The following MYBPC3 variants were observed in gnomAD, a reference collection of about 807,000 sequenced individuals.
MYBPC3 encodes myosin-binding protein C, cardiac-type.
Under a neutral mutation model 159.3 loss-of-function variants are expected in MYBPC3, and 108 were observed. The observed-to-expected ratio is 0.68, with a 90% CI of 0.58 to 0.80. The LOEUF (loss-of-function observed/expected upper bound fraction) is 0.80, where lower values mean the gene tolerates loss of function less well. Ranked by LOEUF, MYBPC3 falls within the 30% of genes least tolerant of loss-of-function variation. The pLI is 0.00. For missense variants in MYBPC3, 1,631 were observed against 1,762.1 expected (o/e 0.93, Z 1.33); for synonymous variants, 730 against 702.0 (o/e 1.04, Z -0.63).
At position 47,342,634 on chromosome 11, in the gene MYBPC3, C is replaced by T; in HGVS notation, c.1568G>A (p.Gly523Glu). Residue 523 changes from glycine (G) to glutamate (E), a missense_variant, in exon 17 of 35, where the codon GGG becomes GAG. Coordinates refer to ENST00000545968, the MANE Select transcript of MYBPC3 (RefSeq NM_000256.3). Reference protein sequence around the residue: ...IINEAMLEDAGHYALCTSGGQ... With the variant: ...IINEAMLEDAEHYALCTSGGQ... ...CCCGCTAGTGCACAGTGCATAGTGC[C>T]CCGCGTCCTCCAGCATGGCCTCGTT... The T allele has an allele frequency of 6.2e-7, 1 of 1,613,980 alleles. No individual in the cohort carries two copies. Among genetic ancestry groups the T allele is most frequent in the Non-Finnish European group, 8.5e-7 (1 of 1,179,882 alleles).
In MYBPC3 at chr11:47,351,458, T is replaced by C; in HGVS notation, c.73A>G (p.Ser25Gly). 6.9e-6 allele frequency: 11 copies of C among 1,600,026 alleles called. No homozygotes were observed. The highest frequency in any genetic ancestry group is 9.4e-6 in the Non-Finnish European group (11 of 1,170,734). ...KPRSVEVAAG[S>G]PAVFEAETER... is the part of the protein sequence containing the mutation. ...GTCTCGGCCTCGAACACGGCAGGGC[T>C]GCCTGCGGCCACTTCCACTGACCGT... is the stretch of plus-strand genomic sequence containing the variant. The change falls in exon 2 of 35, where the codon AGC becomes GGC. Residue 25 changes from serine (S) to glycine (G), a missense_variant. By Grantham distance (56) the Ser-to-Gly change is moderately conservative. Transcript: ENST00000545968. This position sits in a 1 kb window ranked among gnomAD's most constrained non-coding sequence, Gnocchi z 4.2.
chr11:47,332,130 G>C lies in MYBPC3; in HGVS notation c.3756C>G (p.Val1252=), dbSNP rs374760003. 1 of 1,613,688 alleles carries C rather than the reference G, an allele frequency of 6.2e-7. No homozygotes were observed. The highest frequency in any genetic ancestry group is 1.3e-5 in the African/African-American group (1 of 75,076). The change falls in exon 33 of 35, where the codon GTC becomes GTG. Residue 1252 remains valine (V), a synonymous_variant. Coordinates refer to ENST00000545968, the MANE Select transcript of MYBPC3 (RefSeq NM_000256.3). The surrounding 1 kb of genome is among the most constrained non-coding windows in gnomAD (Gnocchi z 4.2). ...KPCPFDGGIY[V]CRATNLQGEA... is the part of the protein sequence containing the mutation. ...CGCCCTGTAAGTTGGTGGCCCTGCA[G>C]ACATAGATGCCCCCGTCAAAGGGGC...
intron 27 of MYBPC3, among the ~76,000 whole-genome samples, 158 bp downstream of exon 27, chr11:47,334,884 T>A (rs1359232320): frequency 6.6e-6 from 1 of 152,150 alleles, no homozygotes. Context: ...ACTTTTTCCC[T>A]AGGCCTAGCG....
Position 47,341,048 on chromosome 11 carries a change from G to A in MYBPC3, c.1898-16C>T. ...ATCTTGACCTCTGCAAGAGAAGGAA[G>A]AGCAAGTAGCACGGGGGCAAAGGCA... On this transcript the variant is annotated splice_polypyrimidine_tract_variant and intron_variant, in intron 19 of 34. Transcript: ENST00000545968. 1 of 1,576,278 alleles carries A rather than the reference G, an allele frequency of 6.3e-7. No homozygotes were observed. The highest frequency in any genetic ancestry group is 8.6e-7 in the Non-Finnish European group (1 of 1,159,990).
intron 12 of MYBPC3, 35 bp from the exon 13 acceptor site, chr11:47,343,659 G>T (rs766721386): frequency 2.1e-6 from 3 of 1,404,544 alleles, no homozygotes; most frequent in African/African-American, 3.5e-5. Context: ...CCACCCCACC[G>T]CCCGCACCCT....
chr11:47,344,767 C>T (rs2095892542), intron 12 of MYBPC3, among the ~76,000 whole-genome samples: 2 of 152,176 alleles, frequency 1.3e-5, no homozygotes, highest in South Asian at 2.1e-4. Flanking sequence ...TTACATAAAG[C>T]ACCTAGTGGC....
At chr11:47,347,172 T>C (rs1429563969) in intron 9 of MYBPC3, 143 bp from the exon 10 acceptor site, 14 of 1,449,600 alleles carry the variant, frequency 9.7e-6, no homozygotes, top group Non-Finnish European at 1.3e-5. Context: ...GTCCCCGGAG[T>C]TTACGGAGGG....
intron 3 of MYBPC3, 111 bp downstream of exon 3, chr11:47,350,391 C>T (rs2095899439): frequency 2.0e-6 from 3 of 1,497,060 alleles, no homozygotes. Context: ...TCCCAAAGTA[C>T]TGGGGATTAT....
At position 47,332,178 on chromosome 11, in the gene MYBPC3, C is replaced by T. The variant is rs767400149; in HGVS notation, c.3708G>A (p.Leu1236=). Residue 1236 remains leucine (L), a synonymous_variant, in exon 33 of 35, where the codon TTG becomes TTA. Coordinates refer to ENST00000545968, the MANE Select transcript of MYBPC3 (RefSeq NM_000256.3). This position sits in a 1 kb window ranked among gnomAD's most constrained non-coding sequence, Gnocchi z 4.2. ...RFRMFSKQGV[L]TLEIRKPCPF... is the part of the protein sequence containing the mutation. Reference sequence around the variant, plus strand: ...GGCAGGGCTTTCTAATCTCCAGAGTCAACACTCCCTGCTTGCTGAACATGC... The same window carrying T: ...GGCAGGGCTTTCTAATCTCCAGAGTTAACACTCCCTGCTTGCTGAACATGC... 8 of 1,613,736 alleles carry T rather than the reference C, an allele frequency of 5.0e-6. No homozygotes were observed. In the African/African-American group the frequency reaches 1.1e-4, roughly 22 times the overall value.
At position 47,342,864 on chromosome 11, in the gene MYBPC3, A is replaced by T; in HGVS notation, c.1423T>A (p.Cys475Ser). The change falls in exon 16 of 35, where the codon TGT (cysteine) becomes AGT (serine). Residue 475 changes from cysteine (C) to serine (S), a missense_variant. Physicochemically the swap from Cys to Ser is moderately radical, Grantham distance 112. Transcript: ENST00000545968. ...TGCGCCCCCTCCTCCGATACTTCAC[A>T]CTCAAACTCCACCCGCTGCCCCACC... Reference protein sequence around the residue: ...VMVGQRVEFECEVSEEGAQVK... With the variant: ...VMVGQRVEFESEVSEEGAQVK... The T allele has an allele frequency of 6.2e-7, 1 of 1,613,040 alleles. No individual in the cohort carries two copies.
chr11:47,345,143 C>T lies in MYBPC3; in HGVS notation c.1090+1064G>A, dbSNP rs144851413. 1.1e-4 allele frequency among the ~76,000 whole-genome samples: 16 copies of T among 152,334 alleles called. No individual in the cohort carries two copies. The East Asian group carries it at 2.5e-3, about 24-fold the overall frequency. ...TATTCCTGGAAGACACCCCTACCCT[C>T]GGAGGTCCCCATCTGCCTTGCCAGC... On this transcript the variant is annotated intron_variant, in intron 12 of 34. Transcript: ENST00000545968.
At position 47,333,680 on chromosome 11, in the gene MYBPC3, T is replaced by C. The variant is rs775530483; in HGVS notation, c.3067A>G (p.Asn1023Asp). Residue 1023 changes from asparagine (N) to aspartate (D), a missense_variant, in exon 29 of 35, where the codon AAC becomes GAC. Physicochemically the swap from Asn to Asp is conservative, Grantham distance 23. Coordinates refer to ENST00000545968, the MANE Select transcript of MYBPC3 (RefSeq NM_000256.3). ...AACAGGATGGTGTCTGTGGGGCTGT[T>C]GCGGATGCTCACCTCCTCGCCTGCC... ...PLAGEEVSIR[N>D]SPTDTILFIR... 4.3e-6 allele frequency: 7 copies of C among 1,611,480 alleles called. No individual in the cohort carries two copies. The highest frequency in any genetic ancestry group is 5.1e-6 in the Non-Finnish European group (6 of 1,179,694).
At chr11:47,335,011 G>A (rs558224671) in intron 27 of MYBPC3, 31 bp downstream of exon 27, 19 of 1,453,624 alleles carry the variant, frequency 1.3e-5, no homozygotes, top group South Asian at 9.1e-5. Context: ...TGTCAATGGC[G>A]GGTCTTGTGA....
At chr11:47,347,003 A>T in intron 10 of MYBPC3, 24 bp downstream of exon 10, 1 of 780,362 alleles carries the variant, frequency 1.3e-6, no homozygotes, top group Non-Finnish European at 2.3e-6. Context: ...TGCCGCCCCC[A>T]AACACCCAGA....
rs1221246371 is a variant in MYBPC3 at position 47,347,642 on chromosome 11, C to A, written c.851+9G>T. 5.7e-6 allele frequency: 9 copies of A among 1,573,758 alleles called. 1 individual carries two copies. Among genetic ancestry groups the A allele is most frequent in the Non-Finnish European group, 7.8e-6 (9 of 1,159,752 alleles). On this transcript the variant is annotated intron_variant, in intron 8 of 34. Coordinates refer to ENST00000545968, the MANE Select transcript of MYBPC3 (RefSeq NM_000256.3). The stretch of plus-strand genomic sequence containing the variant: ...CGGATGGTGCAGGTAGGGCCTGGGG[C>A]AGGGGTACCTGATCCGCCGACCACC...
intron 6 of MYBPC3, 45 bp from the exon 7 acceptor site, chr11:47,347,950 G>A (rs777348120): frequency 1.9e-6 from 3 of 1,542,376 alleles, no homozygotes; most frequent in South Asian, 2.4e-5. Flanking sequence ...CTTCAGAGGG[G>A]GCCGTTTGAG....
chr11:47,346,973 C>G lies in MYBPC3; in HGVS notation c.908+54G>C. On this transcript the variant is annotated intron_variant, in intron 10 of 34. Transcript: ENST00000545968. This position sits in a 1 kb window ranked among gnomAD's most constrained non-coding sequence, Gnocchi z 5.3. ...CTCTCAGAGAGGGGACGGGAATCCC[C>G]TCTGCACCCACCAGCGCCCTGCCGC... The G allele has an allele frequency of 1.3e-6, 1 of 769,878 alleles. No individual in the cohort carries two copies. Among genetic ancestry groups the G allele is most frequent in the Non-Finnish European group, 2.4e-6 (1 of 421,450 alleles). The allele number at this position is 769,878 out of a possible 1,614,324, so 47.7% of individuals were successfully genotyped here. A position where few individuals can be genotyped will look rare whatever the true frequency, so the allele number is the denominator to read the frequency against.
rs781180230 is a variant in MYBPC3 at position 47,332,098 on chromosome 11, C to A, written c.3788G>T (p.Arg1263Leu). 5 of 1,611,994 alleles carry A rather than the reference C, an allele frequency of 3.1e-6. No individual in the cohort carries two copies. The highest frequency in any genetic ancestry group is 4.2e-6 in the Non-Finnish European group (5 of 1,178,848). Residue 1263 changes from arginine (R) to leucine (L), a missense_variant, in exon 33 of 35, where the codon CGG becomes CTG. Transcript: ENST00000545968. The surrounding 1 kb of genome is among the most constrained non-coding windows in gnomAD (Gnocchi z 4.2). Reference protein sequence around the residue: ...CRATNLQGEARCECRLEVRVP... With the variant: ...CRATNLQGEALCECRLEVRVP... ...TCGCACCTCCAGGCGGCACTCACAC[C>A]GTGCCTCGCCCTGTAAGTTGGTGGC...
rs771179191 is a variant in MYBPC3 at position 47,337,766 on chromosome 11, C to A, written c.2337G>T (p.Lys779Asn). The change falls in exon 24 of 35, where the codon AAG (lysine) becomes AAT (asparagine). Residue 779 changes from lysine (K) to asparagine (N), a missense_variant. Transcript: ENST00000545968. ...AGGAGTCCTCTCCCACGTTGCTGATCTTGGGGGCCGCAGGTGCGTCTGGCA... is the reference window on the plus strand; with the variant it reads ...AGGAGTCCTCTCCCACGTTGCTGATATTGGGGGCCGCAGGTGCGTCTGGCA... Reference protein sequence around the residue: ...IDVPDAPAAPKISNVGEDSCT... With the variant: ...IDVPDAPAAPNISNVGEDSCT... 6.4e-7 allele frequency: 1 copy of A among 1,553,798 alleles called. No homozygotes were observed. Among genetic ancestry groups the A allele is most frequent in the South Asian group, 1.2e-5 (1 of 84,354 alleles).
Sources: gnomAD v4.1 joint callset for allele counts (sites outside exome capture counted in the v4.1 genomes callset) on GRCh38, gnomAD v4.1.1 for gene constraint, Gnocchi (gnomAD v3.1) non-coding constraint, MANE v1.5 for transcripts, NCBI Gene and HGNC (gene_info 2026-07-23, HGNC 2026-07-21) for gene names.